The following NSDHL variants were observed in gnomAD, a reference collection of about 807,000 sequenced individuals.
NSDHL encodes sterol-4-alpha-carboxylate 3-dehydrogenase, decarboxylating.
In NSDHL, 1 loss-of-function variant was observed where a neutral mutation model predicts 23.0. The ratio of observed to expected loss-of-function variants is 0.04; its 90% CI spans 0.02 to 0.21. The LOEUF is 0.21. Among genes scored for constraint, NSDHL ranks in the 10% least tolerant of loss-of-function variants. The pLI, the probability that NSDHL is intolerant of heterozygous loss-of-function variation, is 1.00. For missense variants in NSDHL, 237 were observed against 300.9 expected, an observed-to-expected ratio of 0.79 and a Z score of 1.57; for synonymous variants, 128 against 121.1, an observed-to-expected ratio of 1.06 and a Z score of -0.37.
chrX:152,838,036 T>C (rs1263997314), intron 1 of NSDHL, among the ~76,000 whole-genome samples: 1 of 111,964 alleles, frequency 8.9e-6, no homozygotes, highest in Non-Finnish European at 1.9e-5. Flanking sequence ...AGGATGTGTG[T>C]GTCCAGGAAT....
chrX:152,839,242 C>A (rs1933152301), intron 1 of NSDHL, among the ~76,000 whole-genome samples: 1 of 112,113 alleles, frequency 8.9e-6, no homozygotes, highest in African/African-American at 3.3e-5. Flanking sequence ...TGGGTCTTGA[C>A]TCTTTATCCA....
At chrX:152,846,528 AT>A in intron 2 of NSDHL, 96 bp downstream of exon 2, 1 of 585,419 alleles carries the variant, frequency 1.7e-6, no homozygotes, top group Non-Finnish European at 3.0e-6. Flanking sequence ...AATGTTGGGT[AT>A]TTTTTATGTA....
chrX:152,857,846 G>A (rs1933466361), intron 3 of NSDHL, among the ~76,000 whole-genome samples: 1 of 110,727 alleles, frequency 9.0e-6, no homozygotes, highest in Non-Finnish European at 1.9e-5. Flanking sequence ...TACTTGACTG[G>A]TTTCAAAAAA....
At chrX:152,832,841 T>C (rs1556843571) in intron 1 of NSDHL, among the ~76,000 whole-genome samples, 1 of 112,090 alleles carries the variant, frequency 8.9e-6, no homozygotes, top group Non-Finnish European at 1.9e-5. Context: ...GAACTACTTA[T>C]ATGTAAAGTG....
chrX:152,845,226 A>C (rs995293070), intron 1 of NSDHL, among the ~76,000 whole-genome samples: 1 of 111,825 alleles, frequency 8.9e-6, no homozygotes, highest in African/African-American at 3.3e-5. Flanking sequence ...GATCATGCCC[A>C]TTCGTTAAAA....
At chrX:152,836,285 G>A (rs1556844081) in intron 1 of NSDHL, among the ~76,000 whole-genome samples, 1 of 112,073 alleles carries the variant, frequency 8.9e-6, no homozygotes. Context: ...TTCTTTTGAT[G>A]TGCAGAAACT....
Position 152,869,056 on chromosome X carries a change from C to A in NSDHL, c.1062C>A (p.Thr354=), listed in dbSNP as rs781937796. ...KKAMGYQPLV[T]MDDAMERTVQ... The stretch of plus-strand genomic sequence containing the variant: ...CCATGGGCTACCAGCCACTAGTGAC[C>A]ATGGATGATGCTATGGAGAGGACCG... The change falls in exon 8 of 8, where the codon ACC becomes ACA. Residue 354 remains threonine, a synonymous_variant. Transcript: ENST00000370274. The A allele has an allele frequency of 2.5e-6, 3 of 1,210,734 alleles. No individual in the cohort carries two copies. In the African/African-American group the frequency reaches 5.2e-5, roughly 21 times the overall value.
At chrX:152,867,078 C>T (rs1470816454) in intron 6 of NSDHL, among the ~76,000 whole-genome samples, 3 of 111,653 alleles carry the variant, frequency 2.7e-5, no homozygotes, top group Non-Finnish European at 5.7e-5. Context: ...TGCCTCTCTC[C>T]CAAATAGGCT....
intron 3 of NSDHL, among the ~76,000 whole-genome samples, 166 bp from the exon 4 acceptor site, chrX:152,858,604 C>G (rs1453570481): frequency 8.9e-6 from 1 of 111,738 alleles, no homozygotes; most frequent in Non-Finnish European, 1.9e-5. Flanking sequence ...GTTTCCATCC[C>G]ATGTACTTCG....
At chrX:152,850,690 G>C (rs1280810130) in intron 3 of NSDHL, among the ~76,000 whole-genome samples, 1 of 112,551 alleles carries the variant, frequency 8.9e-6, no homozygotes, top group South Asian at 3.7e-4. Context: ...GTATGCCAGT[G>C]AAACTTGACT....
intron 4 of NSDHL, among the ~76,000 whole-genome samples, chrX:152,860,997 T>C (rs1482542658): frequency 8.9e-6 from 1 of 112,619 alleles, no homozygotes; most frequent in Non-Finnish European, 1.9e-5. Flanking sequence ...CCCAGTGTTA[T>C]GTTTTTCTTT....
At chrX:152,853,156 C>T (rs782810905) in intron 3 of NSDHL, among the ~76,000 whole-genome samples, 2 of 34,879 alleles carry the variant, frequency 5.7e-5, no homozygotes, top group African/African-American at 9.6e-5. Context: ...TGTGTGTGAG[C>T]GTATGTGTGT....
intron 3 of NSDHL, among the ~76,000 whole-genome samples, chrX:152,855,699 TAGG>T (rs1933434437): frequency 8.9e-6 from 1 of 112,054 alleles, no homozygotes; most frequent in Admixed American, 9.5e-5. Flanking sequence ...TACTATTTCA[TAGG>T]AGATTTCCTC....
chrX:152,844,038 A>T (rs1386678660), intron 1 of NSDHL, among the ~76,000 whole-genome samples: 2 of 111,901 alleles, frequency 1.8e-5, no homozygotes, highest in African/African-American at 6.5e-5. Flanking sequence ...TAGATAGGGG[A>T]GAACTAAAGT....
intron 1 of NSDHL, among the ~76,000 whole-genome samples, chrX:152,839,741 T>A (rs1933161079): frequency 8.9e-6 from 1 of 112,563 alleles, no homozygotes; most frequent in African/African-American, 3.2e-5. Context: ...ATTTTTTCCT[T>A]CATTTCAACT....
At chrX:152,843,968 G>A (rs1353080284) in intron 1 of NSDHL, among the ~76,000 whole-genome samples, 1 of 111,782 alleles carries the variant, frequency 8.9e-6, no homozygotes, top group Non-Finnish European at 1.9e-5. Flanking sequence ...CCTGGGAGCC[G>A]TTTCCAGGAC....
At position 152,869,011 on chromosome X, in the gene NSDHL, C is replaced by T. The variant is rs782511226; in HGVS notation, c.1017C>T (p.Ser339=). 8.3e-7 allele frequency: 1 copy of T among 1,211,775 alleles called. No homozygotes were observed. The highest frequency in any genetic ancestry group is 3.0e-5 in the East Asian group (1 of 33,846). ...TGGCTGGCACATTCCACTACTACAG[C>T]TGCGAGAGAGCCAAAAAGGCCATGG... is the stretch of plus-strand genomic sequence containing the variant. The part of the protein sequence containing the change: ...VALAGTFHYY[S]CERAKKAMGY... Residue 339 remains serine (S), a synonymous_variant, in exon 8 of 8, where the codon AGC becomes AGT. Coordinates refer to ENST00000370274, the MANE Select transcript of NSDHL (RefSeq NM_015922.3).
chrX:152,852,585 C>T (rs899229138), intron 3 of NSDHL, among the ~76,000 whole-genome samples: 1 of 111,439 alleles, frequency 9.0e-6, no homozygotes, highest in Non-Finnish European at 1.9e-5. Context: ...ATAAATGTGG[C>T]CACCACAGTG....
rs782010818 is a variant in NSDHL at position 152,869,288 on chromosome X, C to T, written c.*172C>T. 2.0e-6 allele frequency: 1 copy of T among 490,406 alleles called. No individual in the cohort carries two copies. Among genetic ancestry groups the T allele is most frequent in the African/African-American group, 2.3e-5 (1 of 43,037 alleles). 40.4% of individuals were successfully genotyped at this position (490,406 alleles called of 1,213,427 possible). A position where few individuals can be genotyped will look rare whatever the true frequency, so the allele number is the denominator to read the frequency against. ...TGACGATGAGGGCGGCAAAAACAGA[C>T]ATTTCTTCCTTCATGGAACTGGATT... On this transcript the variant is annotated 3_prime_UTR_variant, in exon 8 of 8. Transcript: ENST00000370274.
Sources: allele counts gnomAD v4.1 joint callset (sites outside exome capture counted in the v4.1 genomes callset), GRCh38; gene constraint gnomAD v4.1.1; transcripts MANE v1.5; gene names NCBI Gene and HGNC (gene_info 2026-07-23, HGNC 2026-07-21).